WDPCP: variants seen among roughly 807,000 people sequenced by gnomAD.
WDPCP encodes the protein WD repeat-containing and planar cell polarity effector protein fritz homolog.
Under a neutral mutation model 93.1 loss-of-function variants are expected in WDPCP, and 71 were observed. That is an observed-to-expected ratio of 0.76 (90% CI 0.63 to 0.93). The LOEUF is 0.93. Ranked by LOEUF, WDPCP falls within the 40% of genes least tolerant of loss-of-function variation. The pLI is 0.00. For synonymous variants in WDPCP, 315 were observed against 315.0 expected (o/e 1.00, Z 0.00); for missense variants, 844 against 887.4 (o/e 0.95, Z 0.62).
intron 3 of WDPCP, among the ~76,000 whole-genome samples, chr2:63,608,983 T>G (rs547446800): frequency 7.9e-5 from 12 of 152,184 alleles, no homozygotes; most frequent in African/African-American, 2.7e-4. Context: ...GTTATTTTCT[T>G]TCAGTTCCAA....
chr2:63,765,526 G>C (rs1558905487), intron 2 of WDPCP, among the ~76,000 whole-genome samples: 1 of 152,216 alleles, frequency 6.6e-6, no homozygotes, highest in Non-Finnish European at 1.5e-5. Flanking sequence ...CTGGGGCCTT[G>C]AGGGGCTTGG....
chr2:63,155,959 A>G (rs976629346), intron 15 of WDPCP, among the ~76,000 whole-genome samples: 1 of 152,200 alleles, frequency 6.6e-6, no homozygotes, highest in African/African-American at 2.4e-5. Context: ...GACAGCTGAC[A>G]TCTTTACTAT....
At chr2:63,421,527 A>T (rs556481873) in intron 9 of WDPCP, among the ~76,000 whole-genome samples, 1 of 152,358 alleles carries the variant, frequency 6.6e-6, no homozygotes, top group African/African-American at 2.4e-5. Context: ...TCTTCTCAAG[A>T]AATAGTGGTG....
At chr2:63,265,249 T>C (rs1304157557) in intron 13 of WDPCP, among the ~76,000 whole-genome samples, 1 of 151,982 alleles carries the variant, frequency 6.6e-6, no homozygotes, top group Non-Finnish European at 1.5e-5. Context: ...AAGTTGGTTT[T>C]TGAAAAGATA....
intron 9 of WDPCP, among the ~76,000 whole-genome samples, chr2:63,429,688 G>C (rs1696583206): frequency 6.6e-6 from 1 of 151,992 alleles, no homozygotes; most frequent in Admixed American, 6.6e-5. Flanking sequence ...AAAAATAACA[G>C]AAATTGGTGA....
At chr2:63,818,801 GATTAAACA>G (rs937362191) in intron 1 of WDPCP, among the ~76,000 whole-genome samples, 5 of 152,166 alleles carry the variant, frequency 3.3e-5, no homozygotes, top group African/African-American at 1.2e-4. Context: ...AAGAAAAAGT[GATTAAACA>G]ATTATCACAA....
intron 12 of WDPCP, among the ~76,000 whole-genome samples, chr2:63,321,775 A>T (rs998532112): frequency 6.6e-6 from 1 of 152,132 alleles, no homozygotes; most frequent in Non-Finnish European, 1.5e-5. Context: ...TTTACTTTTT[A>T]AAAAATTGTT....
At chr2:63,702,966 G>C (rs1055512513) in intron 2 of WDPCP, among the ~76,000 whole-genome samples, 16 of 151,794 alleles carry the variant, frequency 1.1e-4, no homozygotes, top group Non-Finnish European at 1.9e-4. Flanking sequence ...GTGAGAACAT[G>C]TGGTGTTTGG....
At chr2:63,698,543 T>C (rs774295906) in intron 2 of WDPCP, among the ~76,000 whole-genome samples, 1 of 152,202 alleles carries the variant, frequency 6.6e-6, no homozygotes, top group Non-Finnish European at 1.5e-5. Flanking sequence ...TGGCACAGAC[T>C]GAGGCTGGAG....
intron 2 of WDPCP, among the ~76,000 whole-genome samples, chr2:63,809,076 G>A (rs1367497165): frequency 5.4e-5 from 8 of 147,790 alleles, no homozygotes; most frequent in Middle Eastern, 3.8e-3. Flanking sequence ...CGGCCGCCCC[G>A]TCTGAGAAGT....
chr2:63,434,870 G>A (rs1697030300), intron 8 of WDPCP, among the ~76,000 whole-genome samples: 1 of 152,134 alleles, frequency 6.6e-6, no homozygotes, highest in Non-Finnish European at 1.5e-5. Flanking sequence ...GATAATGCCA[G>A]AGTGCAACGG....
upstream of WDPCP, among the ~76,000 whole-genome samples, chr2:63,832,745 G>T (rs952262922): frequency 6.6e-6 from 1 of 152,082 alleles, no homozygotes; most frequent in African/African-American, 2.4e-5. Flanking sequence ...TGCCTATTAT[G>T]TGTCAAGCAC....
intron 14 of WDPCP, among the ~76,000 whole-genome samples, chr2:63,212,230 A>G (rs946181716): frequency 6.6e-6 from 1 of 152,222 alleles, no homozygotes; most frequent in Non-Finnish European, 1.5e-5. Context: ...ATGTTGGGTT[A>G]CCCACAAAGG....
chr2:63,590,260 C>G (rs1008160920), upstream of WDPCP: 1 of 152,142 alleles, frequency 6.6e-6, no homozygotes. Context: ...GTCATCTTGA[C>G]GAATCTCCCC....
intron 15 of WDPCP, among the ~76,000 whole-genome samples, chr2:63,165,780 C>T (rs1384189935): frequency 6.6e-6 from 1 of 151,486 alleles, no homozygotes; most frequent in Non-Finnish European, 1.5e-5. Context: ...AAAAAACCCT[C>T]CCTTGTTTAA....
At chr2:63,382,663 T>G (rs965539085) in intron 10 of WDPCP, among the ~76,000 whole-genome samples, 2 of 151,980 alleles carry the variant, frequency 1.3e-5, no homozygotes, top group Non-Finnish European at 2.9e-5. Context: ...ATTACTATCA[T>G]CATCATCATC....
At chr2:63,804,895 G>A (rs1670742453) in intron 2 of WDPCP, among the ~76,000 whole-genome samples, 1 of 151,978 alleles carries the variant, frequency 6.6e-6, no homozygotes, top group Admixed American at 6.6e-5. Context: ...TGGCTTGGTG[G>A]TGGGTGCCTG....
intron 6 of WDPCP, among the ~76,000 whole-genome samples, chr2:63,459,259 A>T (rs906665144): frequency 5.9e-5 from 9 of 152,188 alleles, no homozygotes; most frequent in African/African-American, 2.2e-4. Context: ...CAAAAGAAAC[A>T]ATCAACAGAG....
intron 10 of WDPCP, among the ~76,000 whole-genome samples, chr2:63,387,163 T>C (rs1692801446): frequency 6.6e-6 from 1 of 152,020 alleles, no homozygotes; most frequent in South Asian, 2.1e-4. Flanking sequence ...ATACAAAATC[T>C]GGCAGAGAGA....
Sources: allele counts gnomAD v4.1 joint callset (sites outside exome capture counted in the v4.1 genomes callset), GRCh38; gene constraint gnomAD v4.1.1; transcripts MANE v1.5; gene names NCBI Gene and HGNC (gene_info 2026-07-23, HGNC 2026-07-21).